TH: variants seen among roughly 807,000 people sequenced by gnomAD.
The protein encoded by TH is tyrosine 3-monooxygenase.
A neutral mutation model predicts 57.4 loss-of-function variants in TH; 49 were observed. The ratio of observed to expected loss-of-function variants is 0.85; its 90% confidence interval spans 0.68 to 1.08. TH has a LOEUF of 1.08. Among genes scored for constraint, TH ranks in the 50% least tolerant of loss-of-function variants. TH has a pLI of 0.00. For synonymous variants in TH, 330 were observed against 304.5 expected, an observed-to-expected ratio of 1.08 and a Z score of -0.87; for missense variants, 720 against 696.7, an observed-to-expected ratio of 1.03 and a Z score of -0.38.
chr11:2,169,579 T>C, intron 2 of TH, 71 bp downstream of exon 2: 1 of 1,490,602 alleles, frequency 6.7e-7, no homozygotes, highest in Non-Finnish European at 9.4e-7. Flanking sequence ...TATAGAGGGG[T>C]CAGGAACTCA....
Position 2,169,707 on chromosome 11 carries a change from G to A in TH, c.255C>T (p.Leu85=), listed in dbSNP as rs2133699675. The stretch of plus-strand genomic sequence containing the variant: ...AGGGCTTGGTGGCCCTCGGGGAGAA[G>A]AGCAGGTTTAGCACGGCCTTCCCCT... ...EKEGKAVLNL[L]FSPRATKPSA... is the part of the protein sequence containing the mutation. The change falls in exon 2 of 13, where the codon CTC becomes CTT. Residue 85 remains leucine, a synonymous_variant. Coordinates refer to ENST00000352909, the MANE Select transcript of TH (RefSeq NM_000360.4). 3 of 1,613,372 alleles carry A rather than the reference G, an allele frequency of 1.9e-6. No individual in the cohort carries two copies. The highest frequency in any genetic ancestry group is 2.5e-6 in the Non-Finnish European group (3 of 1,179,932).
chr11:2,170,541 A>G lies in TH; in HGVS notation c.91-670T>C, dbSNP rs890378131. The G allele has an allele frequency of 1.1e-5, 9 of 787,888 alleles. No homozygotes were observed. Among genetic ancestry groups the G allele is most frequent in the South Asian group, 1.0e-4 (7 of 68,500 alleles). The allele number at this position is 787,888 out of a possible 1,614,324, so 48.8% of individuals were successfully genotyped here. On this transcript the variant is annotated intron_variant, in intron 1 of 12. Transcript: ENST00000352909. This position sits in a 1 kb window ranked among gnomAD's most constrained non-coding sequence, Gnocchi z 6.0. The stretch of plus-strand genomic sequence containing the variant: ...AGGCCTGGACAGAGGGGGACTTGGC[A>G]GACACCTGGGGCTCATCCCTTGGAG...
intron 9 of TH, 106 bp downstream of exon 9, chr11:2,166,374 C>T (rs1846090106): frequency 2.9e-6 from 4 of 1,403,124 alleles, no homozygotes; most frequent in South Asian, 1.4e-5. Flanking sequence ...TGGCGGGGCC[C>T]GGGAGCAGGC....
In TH at chr11:2,168,582, C is replaced by T; in HGVS notation, c.396G>A (p.Val132=). Reference sequence around the variant, plus strand: ...GGTCCCCTCGGCGCACCTCGAGGCGCACGAAGTACTCCAGGTGGGGGCCCC... The same window carrying T: ...GGTCCCCTCGGCGCACCTCGAGGCGTACGAAGTACTCCAGGTGGGGGCCCC... ...RAGGPHLEYF[V]RLEVRRGDLA... The change falls in exon 3 of 13, where the codon GTG becomes GTA. Residue 132 remains valine (V), a synonymous_variant. Coordinates refer to ENST00000352909, the MANE Select transcript of TH (RefSeq NM_000360.4). The T allele has an allele frequency of 6.2e-7, 1 of 1,611,880 alleles. No homozygotes were observed. The highest frequency in any genetic ancestry group is 8.5e-7 in the Non-Finnish European group (1 of 1,179,700).
chr11:2,169,698 C>T lies in TH; in HGVS notation c.264G>A (p.Pro88=), dbSNP rs113140700. 2.2e-4 allele frequency: 358 copies of T among 1,613,388 alleles called. 6 individuals carry two copies. The South Asian group carries it at 3.5e-3, about 16-fold the overall frequency. Residue 88 remains proline, a synonymous_variant, in exon 2 of 13, where the codon CCG becomes CCA. Transcript: ENST00000352909. ...ACAGCGCCGAGGGCTTGGTGGCCCTCGGGGAGAAGAGCAGGTTTAGCACGG... is the reference window on the plus strand; with the variant it reads ...ACAGCGCCGAGGGCTTGGTGGCCCTTGGGGAGAAGAGCAGGTTTAGCACGG... ...GKAVLNLLFS[P]RATKPSALSR...
chr11:2,171,692 C>T lies in TH; in HGVS notation c.90+5G>A, dbSNP rs1217633198. 1 of 1,611,760 alleles carries T rather than the reference C, an allele frequency of 6.2e-7. No homozygotes were observed. The highest frequency in any genetic ancestry group is 8.5e-7 in the Non-Finnish European group (1 of 1,179,808). ...CGGCCGCCGGGCACCTACCTGCCCT[C>T]TTACCATGATGGCCTCTGCCTGCTT... On this transcript the variant is annotated splice_donor_5th_base_variant and intron_variant, in intron 1 of 12. Transcript: ENST00000352909. The surrounding 1 kb of genome is among the most constrained non-coding windows in gnomAD (Gnocchi z 8.6).
In TH at chr11:2,167,456, G is replaced by T. The variant is rs141907589; in HGVS notation, c.674C>A (p.Thr225Asn). Residue 225 changes from threonine to asparagine, a missense_variant, in exon 6 of 13, where the codon ACC becomes AAC. Physicochemically the swap from Thr to Asn is moderately conservative, Grantham distance 65 (BLOSUM62 0). Coordinates refer to ENST00000352909, the MANE Select transcript of TH (RefSeq NM_000360.4). Reference sequence around the variant, plus strand: ...TCACCAGGTGGCAATCTCCTCGGCGGTGTACTCCACACGGGGAATCGGGTC... The same window carrying T: ...TCACCAGGTGGCAATCTCCTCGGCGTTGTACTCCACACGGGGAATCGGGTC... Reference protein sequence around the residue: ...HGDPIPRVEYTAEEIATWKEV... With the variant: ...HGDPIPRVEYNAEEIATWKEV... The T allele has an allele frequency of 3.0e-5, 47 of 1,564,098 alleles. No homozygotes were observed. The African/African-American group carries it at 4.6e-4, about 15-fold the overall frequency.
Position 2,171,778 on chromosome 11 carries a change from G to C in TH, c.9C>G (p.Thr3=), listed in dbSNP as rs1419519961. MP[T]PDATTPQAKG... is the part of the protein sequence containing the mutation. ...TGGCCTGTGGCGTGGTGGCGTCGGG[G>C]GTGGGCATGGCTCAGTGTGGAGGTC... The change falls in exon 1 of 13, where the codon ACC becomes ACG. Residue 3 remains threonine (T), a synonymous_variant. Coordinates refer to ENST00000352909, the MANE Select transcript of TH (RefSeq NM_000360.4). The surrounding 1 kb of genome is among the most constrained non-coding windows in gnomAD (Gnocchi z 8.6). The C allele has an allele frequency of 1.9e-6, 3 of 1,611,866 alleles. No individual in the cohort carries two copies. Among genetic ancestry groups the C allele is most frequent in the Admixed American group, 3.3e-5 (2 of 59,994 alleles).
intron 4 of TH, 56 bp downstream of exon 4, chr11:2,168,035 A>G: frequency 6.2e-7 from 1 of 1,610,578 alleles, no homozygotes; most frequent in South Asian, 1.1e-5. Context: ...GGGTTGGGCT[A>G]AGGGTAGGGG....
At position 2,168,595 on chromosome 11, in the gene TH, AGGTGGG is replaced by A; in HGVS notation, c.377_382del (p.Pro126_His127del). On this transcript the variant is annotated inframe_deletion, in exon 3 of 13. Coordinates refer to ENST00000352909, the MANE Select transcript of TH (RefSeq NM_000360.4). ...CACCTCGAGGCGCACGAAGTACTCC[AGGTGGG>A]GGCCCCCAGCTCGCGGCCTCTGGGC... 1 of 1,611,848 alleles carries A rather than the reference AGGTGGG, an allele frequency of 6.2e-7. No homozygotes were observed.
chr11:2,165,173 G>T (rs537080026), intron 12 of TH, 59 bp downstream of exon 12: 4 of 1,611,518 alleles, frequency 2.5e-6, no homozygotes, highest in Non-Finnish European at 3.4e-6. Context: ...CCAGAAGGAA[G>T]GCCTGGCTGG....
chr11:2,167,075 G>GAGGTGCAGC (rs1846118972), intron 6 of TH, 43 bp from the exon 7 acceptor site: 1 of 1,553,764 alleles, frequency 6.4e-7, no homozygotes, highest in African/African-American at 1.4e-5. Context: ...CCCCACCCCA[G>GAGGTGCAGC]TGCCCGAAAC....
chr11:2,168,300 G>T, intron 3 of TH, 121 bp from the exon 4 acceptor site: 1 of 1,361,342 alleles, frequency 7.3e-7, no homozygotes, highest in Non-Finnish European at 1.0e-6. Flanking sequence ...GGCTGTGAGA[G>T]CTGCGGGGGG....
In TH at chr11:2,171,519, A is replaced by G. The variant is rs1484833159; in HGVS notation, c.90+178T>C. Among the ~76,000 whole-genome samples the G allele has an allele frequency of 4.6e-5, 7 of 151,748 alleles. No homozygotes were observed. The highest frequency in any genetic ancestry group is 1.0e-4 in the Non-Finnish European group (7 of 67,942). On this transcript the variant is annotated intron_variant, in intron 1 of 12. Transcript: ENST00000352909. This position sits in a 1 kb window ranked among gnomAD's most constrained non-coding sequence, Gnocchi z 8.6. Reference sequence around the variant, plus strand: ...CTCACCCTCCCCCAACAGGGACTCAAACACCAGGCACAGGGGATGCCGCTG... The same window carrying G: ...CTCACCCTCCCCCAACAGGGACTCAGACACCAGGCACAGGGGATGCCGCTG...
rs777477661 is a variant in TH at position 2,164,257 on chromosome 11, G to C, written c.1470C>G (p.Ala490=). ...EGVQDELDTL[A]HALSAIG ...CCTAGCCAATGGCACTCAGCGCATG[G>C]GCAAGGGTGTCCAGCTCATCCTGGA... The change falls in exon 13 of 13, where the codon GCC becomes GCG. Residue 490 remains alanine (A), a synonymous_variant. Transcript: ENST00000352909. 4.8e-5 allele frequency: 72 copies of C among 1,493,318 alleles called. No individual in the cohort carries two copies. The highest frequency in any genetic ancestry group is 6.3e-5 in the Non-Finnish European group (70 of 1,119,054). 92.5% of individuals were successfully genotyped at this position (1,493,318 alleles called of 1,614,324 possible).
Position 2,168,140 on chromosome 11 carries a change from C to T in TH, c.527G>A (p.Cys176Tyr). 6.2e-7 allele frequency: 1 copy of T among 1,613,592 alleles called. No individual in the cohort carries two copies. The highest frequency in any genetic ancestry group is 1.1e-5 in the South Asian group (1 of 91,088). The change falls in exon 4 of 13, where the codon TGT becomes TAT. Residue 176 changes from cysteine to tyrosine, a missense_variant. Transcript: ENST00000352909. ...GTCGAACTTGGTGACCAGGTGATGA[C>T]ACTTGTCCAGCTCTGACACTTTTCT... ...FPRKVSELDK[C>Y]HHLVTKFDPD...
Position 2,165,256 on chromosome 11 carries a change from A to T in TH, c.1310T>A (p.Phe437Tyr). 1 of 1,612,866 alleles carries T rather than the reference A, an allele frequency of 6.2e-7. No homozygotes were observed. The highest frequency in any genetic ancestry group is 8.5e-7 in the Non-Finnish European group (1 of 1,179,972). Residue 437 changes from phenylalanine (F) to tyrosine (Y), a missense_variant, in exon 12 of 13, where the codon TTC becomes TAC. Transcript: ENST00000352909. ...CCTGAGCTTGTCCTTGGCGTCACTG[A>T]AGCTCTCAGACACGAAGTAGACTGA... ...YQSVYFVSES[F>Y]SDAKDKLRSY...
intron 12 of TH, 44 bp from the exon 13 acceptor site, chr11:2,164,436 G>A (rs770895549): frequency 1.9e-6 from 3 of 1,545,204 alleles, no homozygotes; most frequent in East Asian, 2.4e-5. Flanking sequence ...GGCGGGCAGA[G>A]TCTGCAGCCT....
Position 2,171,322 on chromosome 11 carries a change from T to C in TH, c.90+375A>G, listed in dbSNP as rs991429528. 6.7e-6 allele frequency among the ~76,000 whole-genome samples: 1 copy of C among 150,046 alleles called. No individual in the cohort carries two copies. The highest frequency in any genetic ancestry group is 1.5e-5 in the Non-Finnish European group (1 of 67,420). On this transcript the variant is annotated intron_variant, in intron 1 of 12. Coordinates refer to ENST00000352909, the MANE Select transcript of TH (RefSeq NM_000360.4). The surrounding 1 kb of genome is among the most constrained non-coding windows in gnomAD (Gnocchi z 8.6). ...AGAGGGAGGCAGGGGCAGGTGGGAG[T>C]AGGGTGGGGGCTGGGTGCAGCAGCC...
Sources: allele counts gnomAD v4.1 joint callset (sites outside exome capture counted in the v4.1 genomes callset), GRCh38; gene constraint gnomAD v4.1.1; non-coding constraint Gnocchi (gnomAD v3.1); transcripts MANE v1.5; gene names NCBI Gene and HGNC (gene_info 2026-07-23, HGNC 2026-07-21).